The following ATRNL1 variants were observed in gnomAD, a reference collection of about 807,000 sequenced individuals.
ATRNL1 encodes the protein attractin like 1, also known as attractin-like protein 1.
In ATRNL1, 95 loss-of-function variants were observed where a neutral mutation model predicts 182.7. The ratio of observed to expected loss-of-function variants is 0.52; its 90% confidence interval spans 0.44 to 0.62. The LOEUF is 0.62. ATRNL1 is among the 20% of genes least tolerant of loss of function. The probability of loss-of-function intolerance (pLI) is 0.00; values close to 1 mark genes in which losing one functional copy is unlikely to be tolerated. For missense variants in ATRNL1, 1,471 were observed against 1,679.5 expected (o/e 0.88, Z 2.17); for synonymous variants, 576 against 568.3 (o/e 1.01, Z -0.19).
At chr10:115,636,227 T>C (rs1555028080) in intron 26 of ATRNL1, among the ~76,000 whole-genome samples, 1 of 152,122 alleles carries the variant, frequency 6.6e-6, no homozygotes, top group African/African-American at 2.4e-5. Flanking sequence ...TAAACCTTGG[T>C]AGCCTCTTTA....
chr10:115,322,942 A>C (rs1368153265), intron 18 of ATRNL1, among the ~76,000 whole-genome samples: 1 of 152,078 alleles, frequency 6.6e-6, no homozygotes, highest in Non-Finnish European at 1.5e-5. Flanking sequence ...CATTTTAATT[A>C]TAATGGGTCT....
At chr10:115,747,487 A>G (rs1948326177) in intron 27 of ATRNL1, among the ~76,000 whole-genome samples, 1 of 152,136 alleles carries the variant, frequency 6.6e-6, no homozygotes, top group African/African-American at 2.4e-5. Flanking sequence ...CCAAATGCTT[A>G]TTCAGGAGGC....
At chr10:115,396,548 G>T (rs1844299090) in intron 20 of ATRNL1, among the ~76,000 whole-genome samples, 1 of 151,822 alleles carries the variant, frequency 6.6e-6, no homozygotes, top group African/African-American at 2.4e-5. Flanking sequence ...AGCATGTTCT[G>T]GTTATAAGTA....
chr10:115,447,749 TTTCTAC>T (rs1221621508), intron 21 of ATRNL1, among the ~76,000 whole-genome samples: 1 of 151,882 alleles, frequency 6.6e-6, no homozygotes, highest in Non-Finnish European at 1.5e-5. Flanking sequence ...TCCTTACACA[TTTCTAC>T]TTGAACTGGA....
intron 24 of ATRNL1, among the ~76,000 whole-genome samples, chr10:115,480,234 AC>A (rs2134608944): frequency 6.6e-6 from 1 of 150,904 alleles, no homozygotes; most frequent in African/African-American, 2.4e-5. Flanking sequence ...ACACACACAC[AC>A]AAAACAGAAA....
intron 9 of ATRNL1, among the ~76,000 whole-genome samples, chr10:115,230,172 A>G (rs1398101770): frequency 1.3e-5 from 2 of 152,188 alleles, no homozygotes; most frequent in South Asian, 2.1e-4. Flanking sequence ...AGTCAGCTTT[A>G]TGCTCTGGAG....
chr10:115,811,670 A>G (rs947995985), intron 27 of ATRNL1, among the ~76,000 whole-genome samples: 7 of 151,998 alleles, frequency 4.6e-5, no homozygotes, highest in Non-Finnish European at 8.8e-5. Flanking sequence ...TCAGCTGTCT[A>G]CTATTAGCTA....
intron 26 of ATRNL1, among the ~76,000 whole-genome samples, chr10:115,578,647 A>G (rs1555006193): frequency 6.6e-6 from 1 of 151,344 alleles, no homozygotes; most frequent in African/African-American, 2.4e-5. Context: ...TCTTCTAGCT[A>G]AGGGTTTATT....
chr10:115,246,784 T>C lies in ATRNL1; in HGVS notation c.1687+5059T>C, dbSNP rs1850663875. Among the ~76,000 whole-genome samples the C allele has an allele frequency of 2.2e-5, 3 of 137,042 alleles. 1 individual carries two copies. Among genetic ancestry groups the C allele is most frequent in the South Asian group, 4.9e-4 (2 of 4,072 alleles). The allele number at this position is 137,042 out of a possible 152,430, so 89.9% of individuals were successfully genotyped here. A position where few individuals can be genotyped will look rare whatever the true frequency, so the allele number is the denominator to read the frequency against. On this transcript the variant is annotated intron_variant, in intron 10 of 28. Coordinates refer to ENST00000355044, the MANE Select transcript of ATRNL1 (RefSeq NM_207303.4). ...ACCTTGTTAGCCAGGATGGTCTCGA[T>C]CTCCTGACCTCATGATCCACCCGCC...
chr10:115,844,828 G>A (rs1950892372), intron 27 of ATRNL1, among the ~76,000 whole-genome samples: 1 of 151,988 alleles, frequency 6.6e-6, no homozygotes, highest in South Asian at 2.1e-4. Flanking sequence ...AGGCAGCAAT[G>A]GAAAATACAT....
intron 25 of ATRNL1, among the ~76,000 whole-genome samples, chr10:115,543,273 C>T (rs1852464332): frequency 6.6e-6 from 1 of 152,142 alleles, no homozygotes; most frequent in African/African-American, 2.4e-5. Context: ...TTTGATTTTT[C>T]ATCTTTTTCA....
chr10:115,465,605 A>G (rs1199754772), intron 22 of ATRNL1, among the ~76,000 whole-genome samples: 4 of 94,334 alleles, frequency 4.2e-5, no homozygotes, highest in Non-Finnish European at 1.2e-4. Context: ...ATTGATAATC[A>G]ATAGAAAATA....
intron 19 of ATRNL1, among the ~76,000 whole-genome samples, chr10:115,391,968 C>G (rs1331930053): frequency 6.6e-6 from 1 of 151,962 alleles, no homozygotes; most frequent in Non-Finnish European, 1.5e-5. Context: ...TTTATATATG[C>G]TGGTTTTTAA....
intron 27 of ATRNL1, among the ~76,000 whole-genome samples, chr10:115,817,779 T>A (rs1950197146): frequency 6.6e-6 from 1 of 150,932 alleles, no homozygotes; most frequent in Non-Finnish European, 1.5e-5. Flanking sequence ...TTTTTTTTTT[T>A]GGTTTGTTTT....
intron 19 of ATRNL1, among the ~76,000 whole-genome samples, chr10:115,384,073 CTTCAT>C (rs1235342024): frequency 6.6e-6 from 1 of 151,938 alleles, no homozygotes; most frequent in Non-Finnish European, 1.5e-5. Context: ...TTAGTATTAT[CTTCAT>C]TTCATATTTG....
intron 27 of ATRNL1, among the ~76,000 whole-genome samples, chr10:115,809,713 C>T (rs1194581275): frequency 6.6e-6 from 1 of 151,762 alleles, no homozygotes; most frequent in African/African-American, 2.4e-5. Flanking sequence ...TTAGGGTTTC[C>T]TATGAAACAA....
intron 26 of ATRNL1, among the ~76,000 whole-genome samples, chr10:115,631,003 G>A (rs957808427): frequency 5.3e-5 from 8 of 151,690 alleles, no homozygotes; most frequent in African/African-American, 1.9e-4. Context: ...TTACTTATAT[G>A]TGGAAAGTAA....
chr10:115,331,667 G>A (rs892203026), intron 18 of ATRNL1, among the ~76,000 whole-genome samples: 1 of 151,006 alleles, frequency 6.6e-6, no homozygotes, highest in African/African-American at 2.4e-5. Context: ...GACAAATTAG[G>A]TATTTTTTTC....
At chr10:115,148,259 A>G (rs1554879789) in intron 5 of ATRNL1, among the ~76,000 whole-genome samples, 1 of 152,116 alleles carries the variant, frequency 6.6e-6, no homozygotes, top group Admixed American at 6.6e-5. Flanking sequence ...TTATTTGTGT[A>G]TAGAAATGCT....
Sources: gnomAD v4.1 joint callset for allele counts (sites outside exome capture counted in the v4.1 genomes callset) on GRCh38, gnomAD v4.1.1 for gene constraint, MANE v1.5 for transcripts, NCBI Gene and HGNC (gene_info 2026-07-23, HGNC 2026-07-21) for gene names.